PICK1: variants seen among roughly 807,000 people sequenced by gnomAD.
The protein encoded by PICK1 is PRKCA-binding protein.
Under a neutral mutation model 48.9 loss-of-function variants are expected in PICK1, and 23 were observed. The ratio of observed to expected loss-of-function variants is 0.47; its 90% CI spans 0.34 to 0.67. The LOEUF (loss-of-function observed/expected upper bound fraction) is 0.67. Ranked by LOEUF, PICK1 falls within the 30% of genes least tolerant of loss-of-function variation. PICK1 has a pLI of 0.01. For synonymous variants in PICK1, 217 were observed against 228.2 expected (o/e 0.95, Z 0.44); for missense variants, 423 against 557.1 (o/e 0.76, Z 2.42).
chr22:38,072,289 T>C (rs1388055360), intron 8 of PICK1, among the ~76,000 whole-genome samples, 188 bp from the exon 9 acceptor site: 1 of 152,102 alleles, frequency 6.6e-6, no homozygotes, highest in African/African-American at 2.4e-5. Flanking sequence ...GAGGTGTCAA[T>C]CCAGTTTCCT....
At chr22:38,065,154 G>A in intron 4 of PICK1, 24 bp downstream of exon 4, 1 of 1,609,504 alleles carries the variant, frequency 6.2e-7, no homozygotes, top group Non-Finnish European at 8.5e-7. Context: ...CAGAGCAGGT[G>A]TCCAGAGGCA....
In PICK1 at chr22:38,075,156, G is replaced by T; in HGVS notation, c.*24G>T. 6.2e-7 allele frequency: 1 copy of T among 1,600,500 alleles called. No homozygotes were observed. Among genetic ancestry groups the T allele is most frequent in the Non-Finnish European group, 8.5e-7 (1 of 1,173,184 alleles). On this transcript the variant is annotated 3_prime_UTR_variant, in exon 13 of 13. Transcript: ENST00000356976. ...GAGTGCCCCGCGGCTGTGGTGCCGG[G>T]GGCAGGGTGCGTGGGAGGACGGAGC...
chr22:38,071,757 C>T lies in PICK1; in HGVS notation c.556+13C>T. ...CAGACTCACCGGGGTAATGGCATCC[C>T]CCAAAGCTGTGGTGTGACCGTGGGC... On this transcript the variant is annotated intron_variant, in intron 8 of 12. Transcript: ENST00000356976. 6.2e-7 allele frequency: 1 copy of T among 1,611,624 alleles called. No individual in the cohort carries two copies. Among genetic ancestry groups the T allele is most frequent in the Non-Finnish European group, 8.5e-7 (1 of 1,178,278 alleles).
rs182029274 is a variant in PICK1, at chr22:38,070,910, C to T, written c.493+19C>T. 2.2e-4 allele frequency: 350 copies of T among 1,607,572 alleles called. No homozygotes were observed. In the African/African-American group the frequency reaches 4.0e-3, roughly 18 times the overall value. On this transcript the variant is annotated intron_variant, in intron 7 of 12. Transcript: ENST00000356976. ...TACAAAGGTGGGTGGGGGGTGGCCTCGTCCTGGCACTAGCTCTACCCCAGG... is the reference window on the plus strand; with the variant it reads ...TACAAAGGTGGGTGGGGGGTGGCCTTGTCCTGGCACTAGCTCTACCCCAGG...
intron 2 of PICK1, chr22:38,058,238 A>G (rs1483481115): frequency 3.4e-6 from 1 of 296,730 alleles, no homozygotes; most frequent in Admixed American, 4.4e-5. Context: ...AGATTTTCCC[A>G]TTAGAATATA....
intron 3 of PICK1, among the ~76,000 whole-genome samples, chr22:38,064,051 A>AATT (rs751490750): frequency 1.3e-5 from 2 of 151,652 alleles, no homozygotes; most frequent in East Asian, 1.9e-4. Context: ...ATTTTGAGTT[A>AATT]ATTATTATTA....
intron 3 of PICK1, 123 bp from the exon 4 acceptor site, chr22:38,064,879 T>C: frequency 1.7e-6 from 2 of 1,188,770 alleles, no homozygotes; most frequent in South Asian, 2.4e-5. Flanking sequence ...GGTGAGACGC[T>C]TTCTCAAAAA....
chr22:38,059,187 G>T, intron 2 of PICK1, 47 bp from the exon 3 acceptor site: 1 of 1,427,322 alleles, frequency 7.0e-7, no homozygotes, highest in Non-Finnish European at 9.7e-7. Context: ...ACCCGCTCCA[G>T]TCATCCTTCT....
rs1287973208 is a variant in PICK1, at chr22:38,073,877, G to C, written c.834+54G>C. 1 of 1,577,334 alleles carries C rather than the reference G, an allele frequency of 6.3e-7. No homozygotes were observed. Among genetic ancestry groups the C allele is most frequent in the Admixed American group, 1.7e-5 (1 of 59,940 alleles). ...TACTTCCCCCCACCTGGTCTGCCAG[G>C]GATAGCAGGTGGCTCAGGCCAACCC... On this transcript the variant is annotated intron_variant, in intron 11 of 12. Coordinates refer to ENST00000356976, the MANE Select transcript of PICK1 (RefSeq NM_012407.4). The surrounding 1 kb of genome is among the most constrained non-coding windows in gnomAD (Gnocchi z 5.7).
In PICK1 at chr22:38,067,604, C is replaced by T. The variant is rs559173570; in HGVS notation, c.283-100C>T. The T allele has an allele frequency of 2.7e-4, 287 of 1,059,698 alleles. 3 individuals carry two copies. In the South Asian group the frequency reaches 3.2e-3, roughly 12 times the overall value. The allele number at this position is 1,059,698 out of a possible 1,614,324, so 65.6% of individuals were successfully genotyped here. A position where few individuals can be genotyped will look rare whatever the true frequency, so the allele number is the denominator to read the frequency against. ...GATTACAGGTGTGAGCCACCGCACC[C>T]GGCCTTGGGCTCAGGAGTCTCAGTC... On this transcript the variant is annotated intron_variant, in intron 4 of 12. Transcript: ENST00000356976.
chr22:38,075,556 AC>A lies in PICK1; in HGVS notation c.*427del, dbSNP rs1428302124. The A allele has an allele frequency of 1.6e-5, 3 of 183,684 alleles. No individual in the cohort carries two copies. The highest frequency in any genetic ancestry group is 3.5e-5 in the Non-Finnish European group (3 of 86,890). The allele number at this position is 183,684 out of a possible 1,614,324, so 11.4% of individuals were successfully genotyped here. ...AGGTTGGGGTCAATGCCTCCTGGGC[AC>A]CCTTGCCTCGCCCCAGACCGGCCCG... On this transcript the variant is annotated 3_prime_UTR_variant, in exon 13 of 13. Coordinates refer to ENST00000356976, the MANE Select transcript of PICK1 (RefSeq NM_012407.4).
At chr22:38,063,438 G>A (rs932296293) in intron 3 of PICK1, among the ~76,000 whole-genome samples, 13 of 151,404 alleles carry the variant, frequency 8.6e-5, no homozygotes, top group Admixed American at 3.9e-4. Flanking sequence ...CCAGCCCTTG[G>A]TCTATTTTTG....
chr22:38,069,999 C>T (rs185079967), intron 6 of PICK1, among the ~76,000 whole-genome samples: 3 of 152,368 alleles, frequency 2.0e-5, no homozygotes, highest in Non-Finnish European at 2.9e-5. Context: ...TTTCCTGCCG[C>T]TGGCCAGGTG....
intron 4 of PICK1, among the ~76,000 whole-genome samples, chr22:38,067,006 G>A (rs1396094739): frequency 6.6e-6 from 1 of 152,238 alleles, no homozygotes; most frequent in African/African-American, 2.4e-5. Flanking sequence ...GCTGTTCGAT[G>A]AGTAGAGGGA....
In PICK1 at chr22:38,074,444, G is replaced by C; in HGVS notation, c.972G>C (p.Gln324His). The C allele has an allele frequency of 6.2e-7, 1 of 1,613,162 alleles. No homozygotes were observed. Among genetic ancestry groups the C allele is most frequent in the Non-Finnish European group, 8.5e-7 (1 of 1,179,966 alleles). Reference sequence around the variant, plus strand: ...TGGAGAAGATGGAGCTGCTGGACCAGAAGCACGGTGAGCGCCGCCCTCCTC... The same window carrying C: ...TGGAGAAGATGGAGCTGCTGGACCACAAGCACGGTGAGCGCCGCCCTCCTC... ...DVLEKMELLD[Q>H]KHVQDIVFQL... The change falls in exon 12 of 13, where the codon CAG becomes CAC. Residue 324 changes from glutamine (Q) to histidine (H), a missense_variant. Gln to His is a conservative substitution (Grantham distance 24, BLOSUM62 0). This residue lies in a region of PICK1 where 144 missense variants were observed against 139.3 expected (regional missense o/e 1.03). Transcript: ENST00000356976. The surrounding 1 kb of genome is among the most constrained non-coding windows in gnomAD (Gnocchi z 4.5).
At chr22:38,069,746 G>A (rs527373714) in intron 6 of PICK1, among the ~76,000 whole-genome samples, 6 of 152,216 alleles carry the variant, frequency 3.9e-5, no homozygotes, top group African/African-American at 1.4e-4. Flanking sequence ...GTGGGGGTGG[G>A]GACTGAGCTT....
At chr22:38,071,565 C>A in intron 7 of PICK1, 117 bp from the exon 8 acceptor site, 1 of 914,526 alleles carries the variant, frequency 1.1e-6, no homozygotes, top group Non-Finnish European at 1.8e-6. Flanking sequence ...TGGGGAAAGG[C>A]CATGTATCAG....
intron 6 of PICK1, 110 bp from the exon 7 acceptor site, chr22:38,070,728 T>A (rs1569202099): frequency 3.3e-6 from 3 of 915,710 alleles, no homozygotes; most frequent in Non-Finnish European, 3.6e-6. Context: ...CCCCTGATCT[T>A]TCCCTTCCTG....
At chr22:38,061,721 A>T (rs1038663263) in intron 3 of PICK1, among the ~76,000 whole-genome samples, 21 of 152,038 alleles carry the variant, frequency 1.4e-4, no homozygotes, top group African/African-American at 4.8e-4. Flanking sequence ...GTGTTTTGCC[A>T]TGTTGCCCAG....
Sources: gnomAD v4.1 joint callset for allele counts (sites outside exome capture counted in the v4.1 genomes callset) on GRCh38, gnomAD v4.1.1 for gene constraint, gnomAD v4.1.1 regional missense constraint, Gnocchi (gnomAD v3.1) non-coding constraint, MANE v1.5 for transcripts, NCBI Gene and HGNC (gene_info 2026-07-23, HGNC 2026-07-21) for gene names.